The following FAXDC2 variants were observed in gnomAD, a reference collection of about 807,000 sequenced individuals.
FAXDC2 encodes fatty acid hydroxylase domain containing 2.
FAXDC2 carries 41 observed loss-of-function variants against 40.9 expected under a neutral mutation model. The ratio of observed to expected loss-of-function variants is 1.00; its 90% CI spans 0.78 to 1.30. The LOEUF (loss-of-function observed/expected upper bound fraction) is 1.30. Among genes scored for constraint, FAXDC2 ranks in the 50% most tolerant of loss-of-function variants. FAXDC2 has a pLI of 0.00. For synonymous variants in FAXDC2, 157 were observed against 149.3 expected (o/e 1.05, Z -0.38); for missense variants, 390 against 408.8 (o/e 0.95, Z 0.40).
Position 154,820,299 on chromosome 5 carries a change from GAC to G in FAXDC2, c.*15_*16del. 6.3e-7 allele frequency: 1 copy of G among 1,585,104 alleles called. No individual in the cohort carries two copies. Among genetic ancestry groups the G allele is most frequent in the Non-Finnish European group, 8.6e-7 (1 of 1,165,792 alleles). The stretch of plus-strand genomic sequence containing the variant: ...CCCATGGCTGAGGGACAGCCAGGAT[GAC>G]ACTTAGGCTGTCTCTCACTCCATCC... On this transcript the variant is annotated 3_prime_UTR_variant, in exon 9 of 9. Transcript: ENST00000326080.
chr5:154,845,295 C>A (rs1166263161), intron 1 of FAXDC2, among the ~76,000 whole-genome samples: 3 of 152,140 alleles, frequency 2.0e-5, no homozygotes, highest in Non-Finnish European at 4.4e-5. Flanking sequence ...GGGTCTTCAC[C>A]CAAAGAAGCT....
chr5:154,834,794 G>A (rs1394398933), intron 3 of FAXDC2, 49 bp downstream of exon 3: 2 of 1,590,000 alleles, frequency 1.3e-6, no homozygotes, highest in Non-Finnish European at 1.7e-6. Context: ...CCTATGCTCT[G>A]CCCCCGACCA....
intron 4 of FAXDC2, among the ~76,000 whole-genome samples, chr5:154,832,004 G>C (rs1760204314): frequency 6.6e-6 from 1 of 152,056 alleles, no homozygotes; most frequent in Non-Finnish European, 1.5e-5. Context: ...AATAGGCATG[G>C]AAAGATACCT....
At chr5:154,830,697 G>T in intron 5 of FAXDC2, 104 bp downstream of exon 5, 1 of 1,349,386 alleles carries the variant, frequency 7.4e-7, no homozygotes, top group Non-Finnish European at 1.0e-6. Flanking sequence ...TAATAACTTG[G>T]CTCACACTGG....
At chr5:154,842,609 G>T (rs1348436594) in intron 1 of FAXDC2, among the ~76,000 whole-genome samples, 1 of 119,708 alleles carries the variant, frequency 8.4e-6, no homozygotes, top group Non-Finnish European at 1.6e-5. Flanking sequence ...TGCAACCTCT[G>T]CCTCCCAGGT....
At chr5:154,823,631 T>C (rs1481946825) in intron 5 of FAXDC2, 39 bp from the exon 6 acceptor site, 11 of 1,556,370 alleles carry the variant, frequency 7.1e-6, no homozygotes, top group Non-Finnish European at 9.7e-6. Context: ...GATAAGAGTG[T>C]GAGAAGTAGG....
intron 1 of FAXDC2, among the ~76,000 whole-genome samples, chr5:154,842,071 T>C (rs544134053): frequency 4.0e-5 from 6 of 151,896 alleles, no homozygotes; most frequent in African/African-American, 7.3e-5. Flanking sequence ...TTGTTTGCTG[T>C]CTGGAGTCCC....
chr5:154,845,362 T>C (rs960792417), intron 1 of FAXDC2, among the ~76,000 whole-genome samples: 1 of 152,234 alleles, frequency 6.6e-6, no homozygotes, highest in African/African-American at 2.4e-5. Context: ...CAAATAAAAC[T>C]AGCAACAACA....
Position 154,850,254 on chromosome 5 carries a change from T to C in FAXDC2, c.-1+229A>G, listed in dbSNP as rs1178462039. On this transcript the variant is annotated intron_variant, in intron 1 of 8. Transcript: ENST00000326080. Reference sequence around the variant, plus strand: ...AGATGGTACAAACACAGGCAGAGGATACAGACATTAGTAAGAGACAAGGAG... The same window carrying C: ...AGATGGTACAAACACAGGCAGAGGACACAGACATTAGTAAGAGACAAGGAG... Among the ~76,000 whole-genome samples, 5 of 152,324 alleles carry C rather than the reference T, an allele frequency of 3.3e-5. No homozygotes were observed. The East Asian group carries it at 9.6e-4, about 29-fold the overall frequency.
At chr5:154,821,583 C>G (rs551682173) in intron 7 of FAXDC2, among the ~76,000 whole-genome samples, 157 bp from the exon 8 acceptor site, 1 of 152,208 alleles carries the variant, frequency 6.6e-6, no homozygotes, top group South Asian at 2.1e-4. Flanking sequence ...AAGGCATTCA[C>G]CTTTGTAACT....
At chr5:154,839,341 A>G (rs978035129) in intron 1 of FAXDC2, among the ~76,000 whole-genome samples, 1 of 151,518 alleles carries the variant, frequency 6.6e-6, no homozygotes, top group Admixed American at 6.6e-5. Flanking sequence ...AAAAAAAAAA[A>G]AGAAAAGAAA....
chr5:154,849,007 C>G (rs891403304), intron 1 of FAXDC2, among the ~76,000 whole-genome samples: 1 of 148,422 alleles, frequency 6.7e-6, no homozygotes, highest in Non-Finnish European at 1.5e-5. Flanking sequence ...CGGCTGGGCA[C>G]GTTGGCTTAT....
chr5:154,848,127 C>A (rs1011102742), intron 1 of FAXDC2, among the ~76,000 whole-genome samples: 1 of 152,246 alleles, frequency 6.6e-6, no homozygotes, highest in South Asian at 2.1e-4. Context: ...GCGTGAGCCA[C>A]CATGCCCGGC....
chr5:154,827,906 G>A (rs1213930660), intron 5 of FAXDC2, among the ~76,000 whole-genome samples: 2 of 149,432 alleles, frequency 1.3e-5, no homozygotes, highest in Non-Finnish European at 3.0e-5. Context: ...CTAGAGTGTA[G>A]TGGTATGATC....
intron 4 of FAXDC2, among the ~76,000 whole-genome samples, chr5:154,831,455 G>T (rs1221781931): frequency 1.6e-4 from 21 of 131,266 alleles, no homozygotes; most frequent in African/African-American, 5.5e-4. Flanking sequence ...TTGTTTGTTT[G>T]TTTGTTTTTT....
chr5:154,842,451 G>A (rs559741868), intron 1 of FAXDC2, among the ~76,000 whole-genome samples: 7 of 142,264 alleles, frequency 4.9e-5, no homozygotes, highest in Admixed American at 7.3e-5. Context: ...TGATCCACCC[G>A]CCTCGACCTC....
chr5:154,846,134 G>A (rs1398732591), intron 1 of FAXDC2, among the ~76,000 whole-genome samples: 1 of 151,936 alleles, frequency 6.6e-6, no homozygotes, highest in Non-Finnish European at 1.5e-5. Flanking sequence ...CTTGAATTCA[G>A]TGCTCATTAT....
intron 4 of FAXDC2, among the ~76,000 whole-genome samples, chr5:154,832,371 G>A (rs936581776): frequency 6.6e-6 from 1 of 151,990 alleles, no homozygotes; most frequent in Non-Finnish European, 1.5e-5. Flanking sequence ...CCGCCACCGC[G>A]CCCGACTAAT....
intron 1 of FAXDC2, among the ~76,000 whole-genome samples, chr5:154,842,565 C>G (rs564205268): frequency 7.8e-6 from 1 of 128,940 alleles, no homozygotes; most frequent in Non-Finnish European, 1.6e-5. Context: ...CTCTGTCACC[C>G]AGGCTGGAGT....
Sources: gnomAD v4.1 joint callset for allele counts (sites outside exome capture counted in the v4.1 genomes callset) on GRCh38, gnomAD v4.1.1 for gene constraint, MANE v1.5 for transcripts, NCBI Gene and HGNC (gene_info 2026-07-23, HGNC 2026-07-21) for gene names.